UQCRH: variants seen among roughly 807,000 people sequenced by gnomAD.
The protein encoded by UQCRH is ubiquinol-cytochrome c reductase hinge protein.
Under a neutral mutation model 16.3 loss-of-function variants are expected in UQCRH, and 14 were observed. That is an observed-to-expected ratio of 0.86 (90% confidence interval 0.57 to 1.34). The LOEUF is 1.34. UQCRH is among the 40% of genes most tolerant of loss of function. UQCRH has a pLI of 0.00. For missense variants in UQCRH, 89 were observed against 111.9 expected, an observed-to-expected ratio of 0.80 and a Z score of 0.92; for synonymous variants, 41 against 41.9, an observed-to-expected ratio of 0.98 and a Z score of 0.08.
In UQCRH at chr1:46,311,089, ATAAT is replaced by A. The variant is rs1253157938; in HGVS notation, c.243+774_243+777del. 5.3e-4 allele frequency among the ~76,000 whole-genome samples: 72 copies of A among 136,282 alleles called. 1 individual carries two copies. The East Asian group carries it at 0.012, about 23-fold the overall frequency. The allele number at this position is 136,282 out of a possible 152,430, so 89.4% of individuals were successfully genotyped here. ...GACTCCATCTCAAAAAAAAAAAAAA[ATAAT>A]AATAATAATAATCTTGCCTAATCCT... On this transcript the variant is annotated intron_variant, in intron 3 of 3. Transcript: ENST00000311672.
In UQCRH at chr1:46,316,751, T is replaced by A; in HGVS notation, c.*167T>A. On this transcript the variant is annotated 3_prime_UTR_variant, in exon 4 of 4. Coordinates refer to ENST00000311672, the MANE Select transcript of UQCRH (RefSeq NM_006004.4). ...CTATGTAATTCGCAATGATTCCATC[T>A]AAATAAAAGTTCTATGATCTGCAAA... The A allele has an allele frequency of 1.1e-6, 1 of 933,540 alleles. No homozygotes were observed. The highest frequency in any genetic ancestry group is 3.1e-5 in the East Asian group (1 of 31,838). 57.8% of individuals were successfully genotyped at this position (933,540 alleles called of 1,614,324 possible). A position where few individuals can be genotyped will look rare whatever the true frequency, so the allele number is the denominator to read the frequency against.
rs771506719 is a variant in UQCRH at position 46,310,362 on chromosome 1, G to A, written c.243+46G>A. 14 of 1,610,306 alleles carry A rather than the reference G, an allele frequency of 8.7e-6. No homozygotes were observed. The Admixed American group carries it at 2.3e-4, about 27-fold the overall frequency. On this transcript the variant is annotated intron_variant, in intron 3 of 3. Transcript: ENST00000311672. ...GAAGGGGAAAGGTTGCAATGGTCAGGGAAGACTTGGTGCCAACAATCTTTC... is the reference window on the plus strand; with the variant it reads ...GAAGGGGAAAGGTTGCAATGGTCAGAGAAGACTTGGTGCCAACAATCTTTC...
chr1:46,305,369 C>CGCTGCAA (rs1372282518), intron 1 of UQCRH, among the ~76,000 whole-genome samples: 2 of 150,656 alleles, frequency 1.3e-5, no homozygotes. Flanking sequence ...CAAGATCCAC[C>CGCTGCAA]GCTGCAATAG....
chr1:46,304,004 G>C (rs934266735), intron 1 of UQCRH, among the ~76,000 whole-genome samples, 184 bp downstream of exon 1: 1 of 152,214 alleles, frequency 6.6e-6, no homozygotes, highest in East Asian at 1.9e-4. Context: ...TAGATGACTA[G>C]TTTTTCTCTG....
intron 3 of UQCRH, among the ~76,000 whole-genome samples, chr1:46,310,724 G>T (rs575768881): frequency 1.3e-5 from 2 of 152,018 alleles, no homozygotes; most frequent in African/African-American, 2.4e-5. Context: ...CTTCCATCTC[G>T]GCCCTCTGAA....
At chr1:46,309,427 C>T (rs1661427180) in intron 2 of UQCRH, 2 of 339,484 alleles carry the variant, frequency 5.9e-6, no homozygotes, top group Non-Finnish European at 1.1e-5. Context: ...CATGGTGGCT[C>T]GTGCCTGTAA....
At chr1:46,305,434 G>T (rs1215284833) in intron 1 of UQCRH, among the ~76,000 whole-genome samples, 2 of 151,960 alleles carry the variant, frequency 1.3e-5, no homozygotes, top group Non-Finnish European at 2.9e-5. Context: ...ATTCTGGCCG[G>T]GCGCGGTGGC....
chr1:46,314,135 G>T (rs1354887872), intron 3 of UQCRH, among the ~76,000 whole-genome samples: 1 of 152,114 alleles, frequency 6.6e-6, no homozygotes, highest in Non-Finnish European at 1.5e-5. Flanking sequence ...ACTTTGGGAG[G>T]CCAAGGCAGG....
intron 1 of UQCRH, 94 bp from the exon 2 acceptor site, chr1:46,309,007 T>G (rs1661421860): frequency 7.4e-7 from 1 of 1,359,040 alleles, no homozygotes; most frequent in Non-Finnish European, 1.0e-6. Context: ...TCGTTAATAG[T>G]GTCAGTGTCT....
intron 3 of UQCRH, 75 bp downstream of exon 3, chr1:46,310,391 G>A (rs908965936): frequency 6.3e-7 from 1 of 1,597,302 alleles, no homozygotes; most frequent in African/African-American, 1.3e-5. Context: ...ATCTTTCCAT[G>A]CTAGGGAAAG....
At chr1:46,309,952 CT>C in intron 2 of UQCRH, 1 of 1,446,546 alleles carries the variant, frequency 6.9e-7, no homozygotes, top group Non-Finnish European at 9.0e-7. Flanking sequence ...GAATGTGAAA[CT>C]TTTCCCTACT....
At position 46,316,773 on chromosome 1, in the gene UQCRH, C is replaced by T; in HGVS notation, c.*189C>T. On this transcript the variant is annotated 3_prime_UTR_variant, in exon 4 of 4. Coordinates refer to ENST00000311672, the MANE Select transcript of UQCRH (RefSeq NM_006004.4). ...ATCTAAATAAAAGTTCTATGATCTG[C>T]AAACCTGCCCGTCTTTTTTTTTTAA... 2 of 696,680 alleles carry T rather than the reference C, an allele frequency of 2.9e-6. No homozygotes were observed. Among genetic ancestry groups the T allele is most frequent in the Non-Finnish European group, 4.3e-6 (2 of 463,274 alleles). The allele number at this position is 696,680 out of a possible 1,614,324, so 43.2% of individuals were successfully genotyped here. A position where few individuals can be genotyped will look rare whatever the true frequency, so the allele number is the denominator to read the frequency against.
Position 46,309,960 on chromosome 1 carries a change from T to C in UQCRH, c.82-195T>C, listed in dbSNP as rs1661437580. The C allele has an allele frequency of 6.2e-6, 9 of 1,455,982 alleles. No individual in the cohort carries two copies. In the South Asian group the frequency reaches 1.1e-4, roughly 19 times the overall value. 90.2% of individuals were successfully genotyped at this position (1,455,982 alleles called of 1,614,324 possible). Reference sequence around the variant, plus strand: ...AAGGCAGGAATGTGAAACTTTTCCCTACTACTTAGCATCAGAATTGAATGG... The same window carrying C: ...AAGGCAGGAATGTGAAACTTTTCCCCACTACTTAGCATCAGAATTGAATGG... On this transcript the variant is annotated intron_variant, in intron 2 of 3. Transcript: ENST00000311672.
chr1:46,307,255 G>A (rs1279722235), intron 1 of UQCRH, among the ~76,000 whole-genome samples: 5 of 152,088 alleles, frequency 3.3e-5, no homozygotes, highest in African/African-American at 1.2e-4. Context: ...ATGGTGGCCG[G>A]GCTGATTGAG....
chr1:46,310,431 G>A, intron 3 of UQCRH, 115 bp downstream of exon 3: 1 of 1,445,282 alleles, frequency 6.9e-7, no homozygotes, highest in Admixed American at 2.0e-5. Flanking sequence ...CCCAATATAT[G>A]TGACATATGG....
At chr1:46,310,384 T>C (rs1661448002) in intron 3 of UQCRH, 68 bp downstream of exon 3, 5 of 1,604,720 alleles carry the variant, frequency 3.1e-6, no homozygotes, top group South Asian at 2.2e-5. Flanking sequence ...GCCAACAATC[T>C]TTCCATGCTA....
At chr1:46,308,989 A>C (rs535572657) in intron 1 of UQCRH, 112 bp from the exon 2 acceptor site, 429 of 1,281,926 alleles carry the variant, frequency 3.3e-4, no homozygotes, top group Non-Finnish European at 4.3e-4. Flanking sequence ...ACAGAAAACA[A>C]AATAACATCG....
At chr1:46,311,532 T>A (rs1311241330) in intron 3 of UQCRH, among the ~76,000 whole-genome samples, 2 of 148,612 alleles carry the variant, frequency 1.3e-5, no homozygotes, top group Non-Finnish European at 3.0e-5. Flanking sequence ...GAGCCAAGGT[T>A]GCGCCAAAAA....
In UQCRH at chr1:46,309,098, TAGGAGG is replaced by T. The variant is rs1191606702; in HGVS notation, c.55-1_59del. The T allele has an allele frequency of 1.9e-6, 3 of 1,613,508 alleles. No individual in the cohort carries two copies. The highest frequency in any genetic ancestry group is 1.7e-6 in the Non-Finnish European group (2 of 1,179,832). On this transcript the variant is annotated splice_acceptor_variant and coding_sequence_variant, in exon 2 of 4. Transcript: ENST00000311672. LOFTEE classifies it high-confidence loss of function. ...TGACATTAATTTTGTTTTCCTTTTG[TAGGAGG>T]AAGAGGAAGAGGAGGAATTAGTGGT... is the stretch of plus-strand genomic sequence containing the variant.
Sources: allele counts gnomAD v4.1 joint callset (sites outside exome capture counted in the v4.1 genomes callset), GRCh38; gene constraint gnomAD v4.1.1; transcripts MANE v1.5; gene names NCBI Gene and HGNC (gene_info 2026-07-23, HGNC 2026-07-21).